Variants in PCDHA2 observed in about 807,000 individuals in gnomAD.
PCDHA2 encodes the protein protocadherin alpha 2.
A neutral mutation model predicts 66.0 loss-of-function variants in PCDHA2; 58 were observed. The observed-to-expected ratio is 0.88, with a 90% CI of 0.71 to 1.09. PCDHA2 has a LOEUF of 1.09. Among genes scored for constraint, PCDHA2 ranks in the 50% least tolerant of loss-of-function variants. PCDHA2 has a pLI of 0.00. For missense variants in PCDHA2, 1,267 were observed against 1,242.3 expected (o/e 1.02, Z -0.30); for synonymous variants, 634 against 554.0 (o/e 1.14, Z -2.03).
chr5:140,835,333 A>C (rs1355221277), intron 1 of PCDHA2: 6 of 1,613,618 alleles, frequency 3.7e-6, no homozygotes, highest in Non-Finnish European at 5.1e-6. Context: ...AGAGCACACA[A>C]GATCCCAGTC....
At chr5:140,949,009 G>A (rs1563235030) in intron 1 of PCDHA2, among the ~76,000 whole-genome samples, 1 of 151,574 alleles carries the variant, frequency 6.6e-6, no homozygotes, top group Non-Finnish European at 1.5e-5. Context: ...ATTTTTATAT[G>A]TGATGTTTTT....
chr5:140,806,293 T>C (rs932413436), intron 1 of PCDHA2, among the ~76,000 whole-genome samples: 3 of 152,198 alleles, frequency 2.0e-5, no homozygotes, highest in African/African-American at 7.2e-5. Flanking sequence ...ATATAAGCAC[T>C]ATAGGAGAAA....
chr5:140,950,720 T>C (rs2094512536), intron 1 of PCDHA2, among the ~76,000 whole-genome samples: 1 of 152,106 alleles, frequency 6.6e-6, no homozygotes, highest in South Asian at 2.1e-4. Flanking sequence ...CTTATATCCT[T>C]AAATTTTTTA....
intron 1 of PCDHA2, among the ~76,000 whole-genome samples, chr5:140,900,019 A>T (rs1164566696): frequency 1.3e-5 from 2 of 151,964 alleles, no homozygotes; most frequent in African/African-American, 4.8e-5. Flanking sequence ...TTTGTTACCC[A>T]GTTTGGCCTT....
chr5:140,829,140 T>A (rs2150162914), intron 1 of PCDHA2: 1 of 1,613,462 alleles, frequency 6.2e-7, no homozygotes, highest in Non-Finnish European at 8.5e-7. Flanking sequence ...GTCCCTGAGA[T>A]AGCACTGACT....
intron 3 of PCDHA2, among the ~76,000 whole-genome samples, chr5:140,990,272 C>A (rs568200508): frequency 6.6e-6 from 1 of 152,196 alleles, no homozygotes; most frequent in African/African-American, 2.4e-5. Flanking sequence ...CAATGTACCC[C>A]GGGTCTTGAG....
chr5:140,916,060 C>G (rs1554197265), intron 1 of PCDHA2, among the ~76,000 whole-genome samples: 1 of 152,174 alleles, frequency 6.6e-6, no homozygotes, highest in Non-Finnish European at 1.5e-5. Flanking sequence ...GGTGCCTCTC[C>G]CTGTGGCCAG....
chr5:140,835,537 T>TTGCTCCCTG lies in PCDHA2; in HGVS notation c.2388+38186_2388+38187insGCTCCCTGT. On this transcript the variant is annotated intron_variant, in intron 1 of 3. Transcript: ENST00000526136. ...CGAGATTTTGGAGTCAACGGACAGG[T>TTGCTCCCTG]TACCTGCTCCCTGACGCCCCGCGTT... The TTGCTCCCTG allele has an allele frequency of 1.9e-6, 3 of 1,613,926 alleles. No individual in the cohort carries two copies. In the East Asian group the frequency reaches 6.7e-5, roughly 36 times the overall value.
At chr5:140,945,147 T>C (rs1554216774) in intron 1 of PCDHA2, among the ~76,000 whole-genome samples, 1 of 152,154 alleles carries the variant, frequency 6.6e-6, no homozygotes, top group Non-Finnish European at 1.5e-5. Flanking sequence ...ATAGCATTTC[T>C]ATACACTATT....
At chr5:140,891,285 G>T (rs1402021884) in intron 1 of PCDHA2, among the ~76,000 whole-genome samples, 1 of 152,102 alleles carries the variant, frequency 6.6e-6, no homozygotes, top group South Asian at 2.1e-4. Flanking sequence ...GTTATTGGGG[G>T]TACAGGTGGT....
intron 1 of PCDHA2, chr5:140,843,825 CATT>C: frequency 1.7e-6 from 2 of 1,188,044 alleles, no homozygotes; most frequent in East Asian, 2.4e-5. Context: ...AAAATTTAAA[CATT>C]GTTTAGTTTT....
intron 1 of PCDHA2, among the ~76,000 whole-genome samples, chr5:140,972,660 A>ATT (rs11350929): frequency 4.2e-4 from 49 of 117,232 alleles, no homozygotes; most frequent in Non-Finnish European, 5.7e-4. Context: ...AAGAAACCAA[A>ATT]TTTTTTTTTT....
intron 1 of PCDHA2, among the ~76,000 whole-genome samples, chr5:140,937,848 C>G (rs939450579): frequency 1.4e-5 from 2 of 145,938 alleles, no homozygotes; most frequent in African/African-American, 2.5e-5. Flanking sequence ...GAAGGCGGAA[C>G]TTGGAGTGAG....
chr5:140,928,821 C>A (rs2085565750), intron 1 of PCDHA2: 3 of 1,614,142 alleles, frequency 1.9e-6, no homozygotes, highest in Non-Finnish European at 2.5e-6. Context: ...ACCATGGAGA[C>A]CCACCACTTT....
At chr5:140,926,860 C>T in intron 1 of PCDHA2, 1 of 1,521,078 alleles carries the variant, frequency 6.6e-7, no homozygotes, top group Non-Finnish European at 8.8e-7. Flanking sequence ...GTTGGTGTAG[C>T]GTGTTGGTGG....
intron 1 of PCDHA2, among the ~76,000 whole-genome samples, chr5:140,909,960 C>T (rs1419796014): frequency 6.6e-6 from 1 of 152,184 alleles, no homozygotes; most frequent in Non-Finnish European, 1.5e-5. Context: ...CGTAGGTCTC[C>T]ATGGGGAAGG....
At chr5:140,851,696 A>G (rs1174127809) in intron 1 of PCDHA2, 1 of 941,376 alleles carries the variant, frequency 1.1e-6, no homozygotes, top group African/African-American at 1.8e-5. Context: ...TGATAAAATG[A>G]TCAGCCATGT....
intron 1 of PCDHA2, among the ~76,000 whole-genome samples, chr5:140,886,698 C>A (rs578140955): frequency 2.0e-5 from 3 of 151,820 alleles, no homozygotes; most frequent in Non-Finnish European, 4.4e-5. Flanking sequence ...TGGTGGCACG[C>A]GCCTGTAATC....
rs782405254 is a variant in PCDHA2, at chr5:140,795,215, T to C, written c.251T>C (p.Leu84Ser). ...LLEVNLQNGI[L>S]FVNSRIDREE... ...GAGGTAAATCTGCAGAATGGCATTTTGTTTGTGAATTCTCGGATCGACCGG... is the reference window on the plus strand; with the variant it reads ...GAGGTAAATCTGCAGAATGGCATTTCGTTTGTGAATTCTCGGATCGACCGG... Residue 84 changes from leucine (L) to serine (S), a missense_variant, in exon 1 of 4, where the codon TTG (leucine) becomes TCG (serine). Leu to Ser is a moderately radical substitution (Grantham distance 145). Transcript: ENST00000526136. The C allele has an allele frequency of 6.2e-7, 1 of 1,614,228 alleles. No homozygotes were observed. Among genetic ancestry groups the C allele is most frequent in the Non-Finnish European group, 8.5e-7 (1 of 1,180,040 alleles).
Sources: gnomAD v4.1 joint callset for allele counts (sites outside exome capture counted in the v4.1 genomes callset) on GRCh38, gnomAD v4.1.1 for gene constraint, MANE v1.5 for transcripts, NCBI Gene and HGNC (gene_info 2026-07-23, HGNC 2026-07-21) for gene names.